ULK1: variants seen among roughly 807,000 people sequenced by gnomAD.
The protein encoded by ULK1 is serine/threonine-protein kinase ULK1.
Under a neutral mutation model 117.5 loss-of-function variants are expected in ULK1, and 48 were observed. The observed-to-expected ratio is 0.41, with a 90% CI of 0.32 to 0.52. The LOEUF is 0.52. Among genes scored for constraint, ULK1 ranks in the 20% least tolerant of loss-of-function variants. The probability of loss-of-function intolerance (pLI) is 0.29; values close to 1 mark genes in which losing one functional copy is unlikely to be tolerated. For synonymous variants in ULK1, 790 were observed against 637.8 expected (o/e 1.24, Z -3.60); for missense variants, 1,387 against 1,473.4 (o/e 0.94, Z 0.96).
Position 131,916,023 on chromosome 12 carries a change from T to C in ULK1, c.1742T>C (p.Val581Ala). The change falls in exon 19 of 28, where the codon GTG becomes GCG. Residue 581 changes from valine to alanine, a missense_variant. This residue lies in a region of ULK1 where 900 missense variants were observed against 858.9 expected (regional missense o/e 1.05). Transcript: ENST00000321867. ...PKPPTDPLGA[V>A]FSPPQASPPQ... is the part of the protein sequence containing the mutation. ...CCCCCCACGGACCCCCTGGGAGCTG[T>C]GTTCAGCCCACCACAGGCCAGCCCT... 2 of 1,611,476 alleles carry C rather than the reference T, an allele frequency of 1.2e-6. No individual in the cohort carries two copies. Among genetic ancestry groups the C allele is most frequent in the South Asian group, 1.1e-5 (1 of 91,008 alleles).
At chr12:131,914,558 C>A (rs1006451968) in intron 16 of ULK1, 81 bp downstream of exon 16, 2 of 1,520,344 alleles carry the variant, frequency 1.3e-6, no homozygotes, top group Non-Finnish European at 1.8e-6. Flanking sequence ...CATAGAGGGA[C>A]AGGGTCGTCA....
intron 3 of ULK1, among the ~76,000 whole-genome samples, chr12:131,900,227 G>A (rs1037889158): frequency 3.3e-5 from 5 of 152,030 alleles, no homozygotes; most frequent in Non-Finnish European, 7.4e-5. Flanking sequence ...GTTCTTGAAA[G>A]GTAGGTGTCC....
At chr12:131,909,681 G>A (rs1889440263) in intron 8 of ULK1, 94 bp from the exon 9 acceptor site, 1 of 1,328,194 alleles carries the variant, frequency 7.5e-7, no homozygotes, top group Non-Finnish European at 1.0e-6. Context: ...CAGCGTCTGG[G>A]GCAGGGGCCG....
At chr12:131,919,725 C>G in intron 25 of ULK1, 135 bp downstream of exon 25, 2 of 1,121,336 alleles carry the variant, frequency 1.8e-6, no homozygotes, top group Non-Finnish European at 2.6e-6. Context: ...CGGGGCCTGG[C>G]CCAGTGTGCA....
At chr12:131,897,202 C>T (rs1276345724) in intron 3 of ULK1, 1 of 152,240 alleles carries the variant, frequency 6.6e-6, no homozygotes, top group Admixed American at 6.5e-5. Flanking sequence ...TTAGCCTGCC[C>T]TCGCCCCCAC....
chr12:131,908,451 C>A (rs1889372552), intron 5 of ULK1, among the ~76,000 whole-genome samples, 193 bp from the exon 6 acceptor site: 1 of 152,030 alleles, frequency 6.6e-6, no homozygotes, highest in Non-Finnish European at 1.5e-5. Context: ...CCGGGCTCTG[C>A]GCAGGAGCTT....
chr12:131,903,326 T>C lies in ULK1; in HGVS notation c.247-3566T>C, dbSNP rs991160722. On this transcript the variant is annotated intron_variant, in intron 3 of 27. Coordinates refer to ENST00000321867, the MANE Select transcript of ULK1 (RefSeq NM_003565.4). This position sits in a 1 kb window ranked among gnomAD's most constrained non-coding sequence, Gnocchi z 6.0. Reference sequence around the variant, plus strand: ...GACACAGAGGGTGACTGGCTTGGCATTGGCACTGGGCAGAGTGAGGACAGG... The same window carrying C: ...GACACAGAGGGTGACTGGCTTGGCACTGGCACTGGGCAGAGTGAGGACAGG... 6.6e-6 allele frequency among the ~76,000 whole-genome samples: 1 copy of C among 152,170 alleles called. No homozygotes were observed. The highest frequency in any genetic ancestry group is 2.4e-5 in the African/African-American group (1 of 41,440).
chr12:131,914,534 C>G, intron 16 of ULK1, 57 bp downstream of exon 16: 1 of 1,570,374 alleles, frequency 6.4e-7, no homozygotes, highest in Non-Finnish European at 8.7e-7. Flanking sequence ...TGGCAGGAGC[C>G]CTTCCACGGC....
Position 131,895,670 on chromosome 12 carries a change from G to A in ULK1, c.181G>A (p.Gly61Arg). Reference sequence around the variant, plus strand: ...CCTCGCCAAGTCTCAGACGCTGCTGGGGAAGGAAATCAAAATCCTGAAGGT... The same window carrying A: ...CCTCGCCAAGTCTCAGACGCTGCTGAGGAAGGAAATCAAAATCCTGAAGGT... Reference protein sequence around the residue: ...KNLAKSQTLLGKEIKILKELK... With the variant: ...KNLAKSQTLLRKEIKILKELK... Residue 61 changes from glycine (G) to arginine (R), a missense_variant, in exon 2 of 28, where the codon GGG (glycine) becomes AGG (arginine). Gly to Arg is a moderately radical substitution (Grantham distance 125). Around this residue, in one of 4 missense-constraint regions of ULK1, gnomAD observed 224 missense variants for 325.2 expected, o/e 0.69. Transcript: ENST00000321867. 6.2e-7 allele frequency: 1 copy of A among 1,614,166 alleles called. No individual in the cohort carries two copies. The highest frequency in any genetic ancestry group is 1.7e-5 in the Admixed American group (1 of 60,026).
At position 131,895,825 on chromosome 12, in the gene ULK1, G is replaced by A; in HGVS notation, c.246+1G>A. ...CATCGTGGCCCTGTACGACTTCCAG[G>A]TAAGGCCTCTGGGCTGCGGTCTGCT... On this transcript the variant is annotated splice_donor_variant, in intron 3 of 27. Coordinates refer to ENST00000321867, the MANE Select transcript of ULK1 (RefSeq NM_003565.4). LOFTEE classifies it high-confidence loss of function. The A allele has an allele frequency of 6.2e-7, 1 of 1,614,170 alleles. No individual in the cohort carries two copies. The highest frequency in any genetic ancestry group is 8.5e-7 in the Non-Finnish European group (1 of 1,180,022).
chr12:131,913,766 G>T lies in ULK1; in HGVS notation c.1177G>T (p.Ala393Ser). ...CCACAGGAGCTCACTGGTGGCCTCT[G>T]CGGGCTTGGAGAGCCACGGCCGGAC... ...MCSGSSLVAS[A>S]GLESHGRTPS... The change falls in exon 15 of 28, where the codon GCG becomes TCG. Residue 393 changes from alanine to serine, a missense_variant. Coordinates refer to ENST00000321867, the MANE Select transcript of ULK1 (RefSeq NM_003565.4). The T allele has an allele frequency of 6.4e-7, 1 of 1,566,260 alleles. No individual in the cohort carries two copies. The highest frequency in any genetic ancestry group is 8.6e-7 in the Non-Finnish European group (1 of 1,156,582).
chr12:131,914,767 C>G (rs531956727), intron 16 of ULK1, among the ~76,000 whole-genome samples: 18 of 152,318 alleles, frequency 1.2e-4, no homozygotes, highest in Admixed American at 2.0e-4. Context: ...TCTTTTAACT[C>G]ACAGAAGGCT....
Position 131,895,082 on chromosome 12 carries a change from C to T in ULK1, c.81C>T (p.Phe27=), listed in dbSNP as rs1474246790. 2 of 1,577,016 alleles carry T rather than the reference C, an allele frequency of 1.3e-6. No individual in the cohort carries two copies. Among genetic ancestry groups the T allele is most frequent in the South Asian group, 1.1e-5 (1 of 87,188 alleles). ...SRKDLIGHGA[F]AVVFKGRHRE... is the part of the protein sequence containing the mutation. The stretch of plus-strand genomic sequence containing the variant: ...AGGACCTGATCGGCCACGGCGCCTT[C>T]GCGGTGGTCTTCAAGGGCCGCCACC... Residue 27 remains phenylalanine, a synonymous_variant, in exon 1 of 28, where the codon TTC becomes TTT. Transcript: ENST00000321867.
rs764442666 is a variant in ULK1 at position 131,914,416 on chromosome 12, G to A, written c.1312G>A (p.Val438Met). The change falls in exon 16 of 28, where the codon GTG becomes ATG. Residue 438 changes from valine (V) to methionine (M), a missense_variant. Around this residue, in one of 4 missense-constraint regions of ULK1, gnomAD observed 900 missense variants for 858.9 expected, o/e 1.05. Transcript: ENST00000321867. ...TGTCCCCATCCCAGTCCCCACGCAG[G>A]TGCAGAACTACCAGCGCATTGAGCG... ...ASVPIPVPTQ[V>M]QNYQRIERNL... The A allele has an allele frequency of 6.5e-5, 105 of 1,612,630 alleles. No homozygotes were observed. Among genetic ancestry groups the A allele is most frequent in the Non-Finnish European group, 8.8e-5 (104 of 1,179,974 alleles).
chr12:131,917,263 A>C, intron 21 of ULK1, 148 bp from the exon 22 acceptor site: 1 of 676,454 alleles, frequency 1.5e-6, no homozygotes. Flanking sequence ...AGGCTGTGGG[A>C]CGGGGGTCGG....
chr12:131,913,158 G>A (rs769947548), intron 13 of ULK1, 40 bp from the exon 14 acceptor site: 1 of 1,529,356 alleles, frequency 6.5e-7, no homozygotes. Flanking sequence ...CCCTGGGCAG[G>A]CGGCAAGGAC....
chr12:131,916,556 G>T lies in ULK1; in HGVS notation c.2037G>T (p.Leu679=). Residue 679 remains leucine, a synonymous_variant, in exon 20 of 28, where the codon CTG becomes CTT. Transcript: ENST00000321867. The part of the protein sequence containing the change: ...PFHGQPLGPG[L]RPGEDPKGPF... The stretch of plus-strand genomic sequence containing the variant: ...ATGGTCAGCCGTTGGGCCCTGGCCT[G>T]CGGCCAGGCGAGGACCCCAAGGGCC... 6.2e-7 allele frequency: 1 copy of T among 1,601,548 alleles called. No individual in the cohort carries two copies. Among genetic ancestry groups the T allele is most frequent in the East Asian group, 2.2e-5 (1 of 44,752 alleles).
Position 131,914,369 on chromosome 12 carries a change from C to T in ULK1, c.1265C>T (p.Ser422Phe), listed in dbSNP as rs1889678938. Residue 422 changes from serine to phenylalanine, a missense_variant, in exon 16 of 28, where the codon TCC (serine) becomes TTC (phenylalanine). By Grantham distance (155) the Ser-to-Phe change is radical. Coordinates refer to ENST00000321867, the MANE Select transcript of ULK1 (RefSeq NM_003565.4). ...PSPSGRAGPFSSSRCGASVPI... is the reference protein window; with the variant it reads ...PSPSGRAGPFFSSRCGASVPI... ...CACCACAGCCGGGCTGGCCCGTTCT[C>T]CAGCAGCAGGTGCGGCGCCTCTGTC... The T allele has an allele frequency of 6.2e-7, 1 of 1,611,530 alleles. No individual in the cohort carries two copies. Among genetic ancestry groups the T allele is most frequent in the East Asian group, 2.2e-5 (1 of 44,888 alleles).
In ULK1 at chr12:131,907,582, G is replaced by A. The variant is rs377754420; in HGVS notation, c.316+51G>A. The A allele has an allele frequency of 7.6e-5, 120 of 1,584,166 alleles. 1 individual carries two copies. The East Asian group carries it at 1.9e-3, about 26-fold the overall frequency. On this transcript the variant is annotated intron_variant, in intron 5 of 27. Coordinates refer to ENST00000321867, the MANE Select transcript of ULK1 (RefSeq NM_003565.4). ...GCTGCCAGCCGGTCCCACAGGGCCC[G>A]CACCCAGGGCCACACTGGCCCAGTC...
Sources: allele counts gnomAD v4.1 joint callset (sites outside exome capture counted in the v4.1 genomes callset), GRCh38; gene constraint gnomAD v4.1.1; regional missense constraint gnomAD v4.1.1; non-coding constraint Gnocchi (gnomAD v3.1); transcripts MANE v1.5; gene names NCBI Gene and HGNC (gene_info 2026-07-23, HGNC 2026-07-21).